Variants in PDE4D observed in about 807,000 individuals in gnomAD.
PDE4D encodes 3',5'-cyclic-AMP phosphodiesterase 4D.
A neutral mutation model predicts 87.4 loss-of-function variants in PDE4D; 24 were observed. That is an observed-to-expected ratio of 0.27 (90% CI 0.20 to 0.39). The LOEUF is 0.39. Ranked by LOEUF, PDE4D falls within the 10% of genes least tolerant of loss-of-function variation. The probability of loss-of-function intolerance (pLI) is 1.00; values close to 1 mark genes in which losing one functional copy is unlikely to be tolerated. For synonymous variants in PDE4D, 384 were observed against 383.2 expected, an observed-to-expected ratio of 1.00 and a Z score of -0.02; for missense variants, 714 against 1,041.0, an observed-to-expected ratio of 0.69 and a Z score of 4.32.
At chr5:59,738,803 T>G (rs1758444291) in intron 1 of PDE4D, among the ~76,000 whole-genome samples, 3 of 152,134 alleles carry the variant, frequency 2.0e-5, no homozygotes, top group African/African-American at 7.2e-5. Context: ...TCATGTTCAT[T>G]CTAAACACTA....
At chr5:59,381,883 C>T (rs1250383309) in intron 1 of PDE4D, among the ~76,000 whole-genome samples, 1 of 152,034 alleles carries the variant, frequency 6.6e-6, no homozygotes, top group Non-Finnish European at 1.5e-5. Context: ...CAGCAATAGT[C>T]TGGCCAGAAA....
intron 3 of PDE4D, among the ~76,000 whole-genome samples, chr5:59,956,971 A>T (rs1326864808): frequency 1.3e-5 from 2 of 152,228 alleles, no homozygotes; most frequent in East Asian, 3.8e-4. Context: ...CATTTACATA[A>T]CATAAATATA....
chr5:59,430,493 T>A (rs1370272229), intron 1 of PDE4D: 23 of 1,139,916 alleles, frequency 2.0e-5, no homozygotes, highest in South Asian at 9.0e-5. Flanking sequence ...GGAAAGAACA[T>A]GTCAGATAAT....
At chr5:59,709,616 C>T (rs1040080649) in intron 1 of PDE4D, among the ~76,000 whole-genome samples, 1 of 152,266 alleles carries the variant, frequency 6.6e-6, no homozygotes, top group South Asian at 2.1e-4. Context: ...TGAACAGAAA[C>T]GTTAGTCCAG....
intron 3 of PDE4D, among the ~76,000 whole-genome samples, chr5:59,941,540 A>G (rs905457642): frequency 1.3e-5 from 2 of 152,134 alleles, no homozygotes; most frequent in Non-Finnish European, 2.9e-5. Flanking sequence ...TAAGGCTTGA[A>G]CTTTTCCATA....
At chr5:60,114,041 T>C (rs1777920430) in intron 2 of PDE4D, among the ~76,000 whole-genome samples, 1 of 152,142 alleles carries the variant, frequency 6.6e-6, no homozygotes, top group Non-Finnish European at 1.5e-5. Flanking sequence ...TAAACTCTGT[T>C]GAAATAAATT....
intron 2 of PDE4D, among the ~76,000 whole-genome samples, chr5:60,111,100 G>C (rs1255113371): frequency 2.0e-5 from 3 of 151,900 alleles, no homozygotes; most frequent in Admixed American, 1.3e-4. Flanking sequence ...TAGCTCTGTT[G>C]GGTAAACATG....
intron 1 of PDE4D, among the ~76,000 whole-genome samples, chr5:59,491,105 C>A (rs1024008516): frequency 2.0e-5 from 3 of 152,282 alleles, no homozygotes; most frequent in African/African-American, 7.2e-5. Flanking sequence ...ATGAAGCAAA[C>A]TTTACCTATA....
At chr5:60,045,110 G>A (rs904561024) in intron 2 of PDE4D, among the ~76,000 whole-genome samples, 1 of 152,110 alleles carries the variant, frequency 6.6e-6, no homozygotes, top group Non-Finnish European at 1.5e-5. Flanking sequence ...TTTCTCTGAT[G>A]GCCAGTGATG....
At chr5:59,136,546 A>G (rs1443251717) in intron 5 of PDE4D, among the ~76,000 whole-genome samples, 2 of 152,242 alleles carry the variant, frequency 1.3e-5, no homozygotes, top group Non-Finnish European at 2.9e-5. Context: ...TATGTGTCAA[A>G]TAAGAATGAT....
At chr5:60,359,792 G>A (rs968131064) in intron 1 of PDE4D, among the ~76,000 whole-genome samples, 9 of 152,042 alleles carry the variant, frequency 5.9e-5, no homozygotes, top group African/African-American at 1.9e-4. Flanking sequence ...GGAATCATTT[G>A]GTAAATTGGT....
chr5:59,089,621 A>T (rs906160255), intron 5 of PDE4D, among the ~76,000 whole-genome samples: 1 of 152,152 alleles, frequency 6.6e-6, no homozygotes, highest in African/African-American at 2.4e-5. Context: ...TGGACCAGTG[A>T]TTCAAAAACA....
At chr5:60,013,969 T>A (rs372395501) in intron 2 of PDE4D, among the ~76,000 whole-genome samples, 1 of 151,784 alleles carries the variant, frequency 6.6e-6, no homozygotes, top group East Asian at 1.9e-4. Flanking sequence ...GGTGCACACC[T>A]GTAGTCCCAG....
intron 2 of PDE4D, among the ~76,000 whole-genome samples, chr5:59,196,880 G>A (rs1481555478): frequency 6.6e-6 from 1 of 152,118 alleles, no homozygotes; most frequent in African/African-American, 2.4e-5. Context: ...CACCTATGCC[G>A]ACTTGATTTG....
At chr5:59,935,043 G>A (rs948691311) in intron 3 of PDE4D, among the ~76,000 whole-genome samples, 11 of 152,084 alleles carry the variant, frequency 7.2e-5, no homozygotes. Flanking sequence ...GATGGCTTGG[G>A]GCCTAACAGT....
intron 2 of PDE4D, among the ~76,000 whole-genome samples, chr5:60,073,528 T>A (rs973034276): frequency 6.6e-6 from 1 of 150,872 alleles, no homozygotes; most frequent in Non-Finnish European, 1.5e-5. Context: ...GATGCTGGCC[T>A]CATAGAATGT....
At position 59,599,942 on chromosome 5, in the gene PDE4D, G is replaced by A. The variant is rs191085384; in HGVS notation, c.455+293226C>T. 4.6e-5 allele frequency among the ~76,000 whole-genome samples: 7 copies of A among 152,356 alleles called. No homozygotes were observed. In the East Asian group the frequency reaches 1.2e-3, roughly 25 times the overall value. The stretch of plus-strand genomic sequence containing the variant: ...GGCATCACATGTTGGAGACCTGGCA[G>A]ATGTTGAAAGCTGCCTCTTTGTCTC... On this transcript the variant is annotated intron_variant, in intron 1 of 14. Transcript: ENST00000340635.
At position 60,381,299 on chromosome 5, in the gene PDE4D, A is replaced by G. The variant is rs547603125; in HGVS notation, c.-90+106643T>C. On this transcript the variant is annotated intron_variant, in intron 1 of 16. Transcript: ENST00000502484. ...TTCCCTGGTTGACAACACTTTGCAT[A>G]TGTCACACGGTATTGCTTGCAGAAT... 2.6e-5 allele frequency among the ~76,000 whole-genome samples: 4 copies of G among 152,306 alleles called. No individual in the cohort carries two copies. In the South Asian group the frequency reaches 6.2e-4, roughly 24 times the overall value.
chr5:60,065,657 A>G (rs1771975548), intron 2 of PDE4D, among the ~76,000 whole-genome samples: 1 of 151,888 alleles, frequency 6.6e-6, no homozygotes, highest in African/African-American at 2.4e-5. Context: ...CTCATTGTTC[A>G]ATTCCCACCT....
Sources: allele counts gnomAD v4.1 joint callset (sites outside exome capture counted in the v4.1 genomes callset), GRCh38; gene constraint gnomAD v4.1.1; transcripts MANE v1.5; gene names NCBI Gene and HGNC (gene_info 2026-07-23, HGNC 2026-07-21).